The following TMCC3 variants were observed in gnomAD, a reference collection of about 807,000 sequenced individuals.
TMCC3 encodes the protein transmembrane and coiled-coil domain protein 3.
In TMCC3, 28 loss-of-function variants were observed where a neutral mutation model predicts 40.2. The ratio of observed to expected loss-of-function variants is 0.70; its 90% CI spans 0.52 to 0.95. TMCC3 has a LOEUF of 0.95. TMCC3 is among the 40% of genes least tolerant of loss of function. TMCC3 has a pLI of 0.00. For synonymous variants in TMCC3, 255 were observed against 248.5 expected, an observed-to-expected ratio of 1.03 and a Z score of -0.25; for missense variants, 554 against 615.2, an observed-to-expected ratio of 0.90 and a Z score of 1.05.
chr12:94,568,185 T>C lies in TMCC3; in HGVS notation c.*3250A>G, dbSNP rs2068505904. ...AATGCTACCGTTCCAAGCTACAAAC[T>C]TGGGACTAATCCCATGTTCATTGTC... On this transcript the variant is annotated 3_prime_UTR_variant, in exon 4 of 4. Transcript: ENST00000261226. The C allele has an allele frequency of 6.6e-6, 1 of 152,108 alleles. No homozygotes were observed. The highest frequency in any genetic ancestry group is 1.5e-5 in the Non-Finnish European group (1 of 68,028). 9.4% of individuals were successfully genotyped at this position (152,108 alleles called of 1,614,324 possible).
chr12:94,578,057 A>G (rs1594265750), intron 3 of TMCC3, among the ~76,000 whole-genome samples: 1 of 149,678 alleles, frequency 6.7e-6, no homozygotes, highest in East Asian at 2.0e-4. Context: ...GCTGAGGCAG[A>G]AGAATCGTTT....
intron 1 of TMCC3, among the ~76,000 whole-genome samples, chr12:94,633,425 T>C (rs776893973): frequency 1.3e-5 from 2 of 152,224 alleles, no homozygotes; most frequent in African/African-American, 2.4e-5. Context: ...GAGGCAGATA[T>C]ATGGGTATCA....
rs575607140 is a variant in TMCC3, at chr12:94,650,083, G to A, written c.78+270C>T. On this transcript the variant is annotated intron_variant, in intron 1 of 3. Coordinates refer to ENST00000261226, the MANE Select transcript of TMCC3 (RefSeq NM_020698.4). ...CGGGGAGGACAGCAGAGCGCGGGCCGTCGGGGAACCGGGCGTCCCGCATAG... is the reference window on the plus strand; with the variant it reads ...CGGGGAGGACAGCAGAGCGCGGGCCATCGGGGAACCGGGCGTCCCGCATAG... Among the ~76,000 whole-genome samples the A allele has an allele frequency of 5.3e-3, 808 of 152,224 alleles. 30 individuals are homozygous for A. Among genetic ancestry groups the A allele is most frequent in the Non-Finnish European group, 7.4e-4 (50 of 67,984 alleles).
intron 2 of TMCC3, 110 bp from the exon 3 acceptor site, chr12:94,578,639 A>T (rs910789769): frequency 2.1e-5 from 26 of 1,226,378 alleles, no homozygotes; most frequent in Non-Finnish European, 2.7e-5. Context: ...TCATTCCCTG[A>T]TGGGCTGTTT....
At chr12:94,597,166 A>ATATATATATATATATATATATATATAT (rs1491007129) in intron 1 of TMCC3, among the ~76,000 whole-genome samples, 1 of 91,044 alleles carries the variant, frequency 1.1e-5, no homozygotes, top group Non-Finnish European at 2.2e-5. Flanking sequence ...TATGTATATA[A>ATATATATATATATATATATATATATAT]ATTAGCCAGG....
intron 2 of TMCC3, among the ~76,000 whole-genome samples, chr12:94,580,864 T>C (rs541941948): frequency 3.4e-4 from 52 of 152,322 alleles, no homozygotes; most frequent in Admixed American, 3.3e-4. Context: ...AAATCAAATA[T>C]AGATCTCTGA....
intron 1 of TMCC3, among the ~76,000 whole-genome samples, chr12:94,635,193 T>C (rs2068953514): frequency 1.3e-5 from 2 of 152,214 alleles, no homozygotes; most frequent in African/African-American, 4.8e-5. Flanking sequence ...CTAACATAAG[T>C]GACAAACCAA....
intron 1 of TMCC3, among the ~76,000 whole-genome samples, chr12:94,616,595 G>A (rs2625923): frequency 0.15 from 22,756 of 152,222 alleles, 2,237 homozygotes; most frequent in Non-Finnish European, 0.22. Flanking sequence ...AGTGGCCGGG[G>A]GAGAGACACA....
At chr12:94,649,342 G>A (rs1594304363) in intron 1 of TMCC3, among the ~76,000 whole-genome samples, 1 of 152,160 alleles carries the variant, frequency 6.6e-6, no homozygotes, top group East Asian at 1.9e-4. Context: ...TTGGTCTCTC[G>A]ATCTTGGAAG....
At chr12:94,585,935 G>A (rs2068635956) in intron 1 of TMCC3, among the ~76,000 whole-genome samples, 2 of 152,162 alleles carry the variant, frequency 1.3e-5, no homozygotes, top group African/African-American at 4.8e-5. Flanking sequence ...TTCCCTAGGA[G>A]GCTGTCAATA....
At chr12:94,606,279 A>T (rs992146098) in intron 1 of TMCC3, among the ~76,000 whole-genome samples, 1 of 152,192 alleles carries the variant, frequency 6.6e-6, no homozygotes, top group African/African-American at 2.4e-5. Flanking sequence ...TCAAAGGGTA[A>T]AATGCCCAAG....
rs2068846528 is a variant in TMCC3, at chr12:94,616,095, T to A, written c.79-33557A>T. The A allele has an allele frequency of 5.1e-6, 5 of 985,262 alleles. No individual in the cohort carries two copies. In the African/African-American group the frequency reaches 8.7e-5, roughly 17 times the overall value. The allele number at this position is 985,262 out of a possible 1,614,324, so 61.0% of individuals were successfully genotyped here. A position where few individuals can be genotyped will look rare whatever the true frequency, so the allele number is the denominator to read the frequency against. ...CTCACATTATCTCGGGGTATTCCTG[T>A]GTTTGTCTCAGAGAAACTCCACGCC... On this transcript the variant is annotated intron_variant, in intron 1 of 3. Coordinates refer to ENST00000261226, the MANE Select transcript of TMCC3 (RefSeq NM_020698.4).
At position 94,571,543 on chromosome 12, in the gene TMCC3, A is replaced by T; in HGVS notation, c.1326T>A (p.Ser442Arg). ...AGAAGGTGCCAAGAATGTGGCAGCG[A>T]CTCTTCATCATGGGTGAGACGAACT... ...IAKFVSPMMK[S>R]RCHILGTFFA... Residue 442 changes from serine to arginine, a missense_variant, in exon 4 of 4, where the codon AGT becomes AGA. Ser to Arg is a moderately radical substitution (Grantham distance 110). Coordinates refer to ENST00000261226, the MANE Select transcript of TMCC3 (RefSeq NM_020698.4). The T allele has an allele frequency of 6.2e-7, 1 of 1,613,584 alleles. No individual in the cohort carries two copies. The highest frequency in any genetic ancestry group is 1.7e-4 in the Middle Eastern group (1 of 6,060).
At chr12:94,631,917 T>C (rs1296410768) in intron 1 of TMCC3, among the ~76,000 whole-genome samples, 2 of 152,342 alleles carry the variant, frequency 1.3e-5, no homozygotes, top group East Asian at 3.9e-4. Flanking sequence ...TCAGCCTTCT[T>C]CATCTCTGTT....
intron 1 of TMCC3, among the ~76,000 whole-genome samples, chr12:94,621,985 T>C (rs1418759207): frequency 6.6e-6 from 1 of 152,208 alleles, no homozygotes; most frequent in East Asian, 1.9e-4. Context: ...TATACAATTG[T>C]ACATTTCATA....
chr12:94,600,499 A>G (rs2068746453), intron 1 of TMCC3, among the ~76,000 whole-genome samples: 1 of 152,152 alleles, frequency 6.6e-6, no homozygotes. Flanking sequence ...TTCTTCCTTT[A>G]ATAAAGAGAT....
At chr12:94,641,435 C>G (rs577138874) in intron 1 of TMCC3, among the ~76,000 whole-genome samples, 4 of 152,046 alleles carry the variant, frequency 2.6e-5, no homozygotes, top group Non-Finnish European at 5.9e-5. Context: ...CATTTTACTC[C>G]CCGGCTGGGC....
rs1024812990 is a variant in TMCC3 at position 94,650,474 on chromosome 12, G to C, written c.-44C>G. On this transcript the variant is annotated 5_prime_UTR_variant, in exon 1 of 4. Coordinates refer to ENST00000261226, the MANE Select transcript of TMCC3 (RefSeq NM_020698.4). ...AACTTTCCCGTCTTCTGGGGCTGCC[G>C]CGCCGCGAGCCACCGGCTGTGCTCG... The C allele has an allele frequency of 5.5e-4, 673 of 1,234,842 alleles. No homozygotes were observed. Among genetic ancestry groups the C allele is most frequent in the Non-Finnish European group, 6.7e-4 (663 of 984,354 alleles). 76.5% of individuals were successfully genotyped at this position (1,234,842 alleles called of 1,614,324 possible). A position where few individuals can be genotyped will look rare whatever the true frequency, so the allele number is the denominator to read the frequency against.
At chr12:94,606,812 A>C (rs1389353908) in intron 1 of TMCC3, among the ~76,000 whole-genome samples, 1 of 152,194 alleles carries the variant, frequency 6.6e-6, no homozygotes, top group Non-Finnish European at 1.5e-5. Flanking sequence ...AAAGGGCAAT[A>C]AAGATCACAA....
Sources: gnomAD v4.1 joint callset for allele counts (sites outside exome capture counted in the v4.1 genomes callset) on GRCh38, gnomAD v4.1.1 for gene constraint, MANE v1.5 for transcripts, NCBI Gene and HGNC (gene_info 2026-07-23, HGNC 2026-07-21) for gene names.